The following CCSER1 variants were observed in gnomAD, a reference collection of about 807,000 sequenced individuals.
CCSER1 encodes serine-rich coiled-coil domain-containing protein 1.
A neutral mutation model predicts 82.0 loss-of-function variants in CCSER1; 41 were observed. The ratio of observed to expected loss-of-function variants is 0.50; its 90% CI spans 0.39 to 0.65. The LOEUF (loss-of-function observed/expected upper bound fraction) is 0.65, where lower values mean the gene tolerates loss of function less well. Ranked by LOEUF, CCSER1 falls within the 30% of genes least tolerant of loss-of-function variation. The pLI is 0.00. For missense variants in CCSER1, 1,119 were observed against 1,064.2 expected, an observed-to-expected ratio of 1.05 and a Z score of -0.72; for synonymous variants, 414 against 383.9, an observed-to-expected ratio of 1.08 and a Z score of -0.92.
At chr4:90,362,613 A>T (rs1039170997) in intron 3 of CCSER1, among the ~76,000 whole-genome samples, 1 of 152,172 alleles carries the variant, frequency 6.6e-6, no homozygotes, top group Non-Finnish European at 1.5e-5. Context: ...GTTAGAAAAG[A>T]GTCCTACCCA....
At chr4:91,336,987 T>C (rs1318887744) in intron 10 of CCSER1, among the ~76,000 whole-genome samples, 1 of 152,128 alleles carries the variant, frequency 6.6e-6, no homozygotes, top group East Asian at 1.9e-4. Context: ...CAAATGCATA[T>C]AGAATAAACT....
chr4:91,255,286 T>A (rs1314787836), intron 10 of CCSER1, among the ~76,000 whole-genome samples: 1 of 152,150 alleles, frequency 6.6e-6, no homozygotes, highest in Non-Finnish European at 1.5e-5. Flanking sequence ...AATATATAAC[T>A]CACAGACCTC....
At chr4:90,905,149 T>C (rs1654769812) in intron 8 of CCSER1, among the ~76,000 whole-genome samples, 1 of 152,134 alleles carries the variant, frequency 6.6e-6, no homozygotes, top group African/African-American at 2.4e-5. Context: ...CTCTAGACAA[T>C]TGCATTATCC....
At chr4:91,190,376 G>C (rs908165015) in intron 10 of CCSER1, among the ~76,000 whole-genome samples, 2 of 151,960 alleles carry the variant, frequency 1.3e-5, no homozygotes, top group African/African-American at 4.8e-5. Context: ...AACCAAAGTG[G>C]CTTTTCCTCT....
chr4:91,092,543 C>T (rs181416191), intron 10 of CCSER1, among the ~76,000 whole-genome samples: 143 of 152,312 alleles, frequency 9.4e-4, no homozygotes, highest in Non-Finnish European at 1.7e-3. Flanking sequence ...TAACACATTG[C>T]TGTGCTGCTG....
chr4:90,726,847 A>G (rs574670949), intron 7 of CCSER1, among the ~76,000 whole-genome samples: 1 of 152,178 alleles, frequency 6.6e-6, no homozygotes, highest in South Asian at 2.1e-4. Flanking sequence ...CGTTGTAAGT[A>G]GAACTACTTG....
intron 10 of CCSER1, among the ~76,000 whole-genome samples, chr4:91,251,264 G>A (rs999268151): frequency 6.6e-6 from 1 of 152,126 alleles, no homozygotes; most frequent in Admixed American, 6.6e-5. Flanking sequence ...CTTGTTGATT[G>A]CCACTTTCTT....
At position 91,014,036 on chromosome 4, in the gene CCSER1, A is replaced by G. The variant is rs1739225134; in HGVS notation, c.2173-71914A>G. Among the ~76,000 whole-genome samples, 2 of 134,110 alleles carry G rather than the reference A, an allele frequency of 1.5e-5. 1 individual carries two copies. Among genetic ancestry groups the G allele is most frequent in the Non-Finnish European group, 3.5e-5 (2 of 57,812 alleles). 88.0% of individuals were successfully genotyped at this position (134,110 alleles called of 152,430 possible). A position where few individuals can be genotyped will look rare whatever the true frequency, so the allele number is the denominator to read the frequency against. On this transcript the variant is annotated intron_variant, in intron 9 of 10. Coordinates refer to ENST00000509176, the MANE Select transcript of CCSER1 (RefSeq NM_001145065.2). ...ATAAGAAGGAACCAAACACATAACA[A>G]GAGTCCTTCATGTTATATCTTTCAT...
chr4:91,069,004 T>A (rs1201453174), intron 9 of CCSER1, among the ~76,000 whole-genome samples: 2 of 151,972 alleles, frequency 1.3e-5, no homozygotes, highest in Non-Finnish European at 2.9e-5. Context: ...CAAAATCCTG[T>A]CTTTACAAAA....
chr4:90,639,090 T>A (rs1200564858), intron 6 of CCSER1, among the ~76,000 whole-genome samples: 3 of 152,006 alleles, frequency 2.0e-5, no homozygotes, highest in African/African-American at 7.2e-5. Flanking sequence ...GTGATCTTAC[T>A]TGTGTGATAA....
chr4:90,797,384 T>A (rs1056781411), intron 7 of CCSER1, among the ~76,000 whole-genome samples: 1 of 152,164 alleles, frequency 6.6e-6, no homozygotes, highest in African/African-American at 2.4e-5. Flanking sequence ...GCATGTGAGA[T>A]TAGTCTCTTG....
In CCSER1 at chr4:91,257,031, A is replaced by G. The variant is rs553766869; in HGVS notation, c.2217+171037A>G. 1.4e-4 allele frequency among the ~76,000 whole-genome samples: 22 copies of G among 152,270 alleles called. 1 individual carries two copies. The South Asian group carries it at 4.3e-3, about 30-fold the overall frequency. ...TATGAAGACTTGTCATTATTTTTTT[A>G]TACATTTTAAGAGATAAATCTTGTT... is the stretch of plus-strand genomic sequence containing the variant. On this transcript the variant is annotated intron_variant, in intron 10 of 10. Transcript: ENST00000509176.
chr4:90,604,380 A>T (rs775980667), intron 5 of CCSER1, among the ~76,000 whole-genome samples: 10 of 152,202 alleles, frequency 6.6e-5, no homozygotes, highest in Non-Finnish European at 1.2e-4. Flanking sequence ...TTTGAATTAA[A>T]GGTTGAGTCC....
chr4:90,292,091 T>C (rs1328683636), intron 1 of CCSER1, among the ~76,000 whole-genome samples: 1 of 151,910 alleles, frequency 6.6e-6, no homozygotes, highest in Admixed American at 6.6e-5. Context: ...AAGGCAAACT[T>C]GTCATCACAT....
chr4:90,762,360 C>A (rs1750538885), intron 7 of CCSER1, among the ~76,000 whole-genome samples: 1 of 152,098 alleles, frequency 6.6e-6, no homozygotes, highest in African/African-American at 2.4e-5. Flanking sequence ...AATTGTGAGT[C>A]AATTAAACCT....
chr4:91,073,551 T>C (rs1721647494), intron 9 of CCSER1, among the ~76,000 whole-genome samples: 2 of 152,018 alleles, frequency 1.3e-5, no homozygotes, highest in African/African-American at 4.8e-5. Flanking sequence ...AGTCCATATA[T>C]GCAACAAAAT....
chr4:91,292,069 G>A (rs755985043), intron 10 of CCSER1, among the ~76,000 whole-genome samples: 1 of 151,920 alleles, frequency 6.6e-6, no homozygotes, highest in African/African-American at 2.4e-5. Flanking sequence ...ACTAGCAAGC[G>A]ATGCCTGAGT....
chr4:91,160,604 G>T (rs1247568501), intron 10 of CCSER1, among the ~76,000 whole-genome samples: 1 of 152,108 alleles, frequency 6.6e-6, no homozygotes, highest in Non-Finnish European at 1.5e-5. Context: ...GGTGTGAGAT[G>T]GTATCTCATT....
chr4:90,271,860 ATATTTTTT>A lies in CCSER1; in HGVS notation c.-41-36382_-41-36375del, dbSNP rs1393280603. 3.6e-4 allele frequency among the ~76,000 whole-genome samples: 8 copies of A among 22,236 alleles called. No homozygotes were observed. The Admixed American group carries it at 3.6e-3, about 10-fold the overall frequency. The allele number at this position is 22,236 out of a possible 152,430, so 14.6% of individuals were successfully genotyped here. A position where few individuals can be genotyped will look rare whatever the true frequency, so the allele number is the denominator to read the frequency against. Reference sequence around the variant, plus strand: ...TATATATATATATATATATATATATATATTTTTTTTTTTTTTTTTTTTTTTTTTTTAAA... The same window carrying A: ...TATATATATATATATATATATATATATTTTTTTTTTTTTTTTTTTTTTAAA... On this transcript the variant is annotated intron_variant, in intron 1 of 10. Transcript: ENST00000509176.
Sources: allele counts gnomAD v4.1 joint callset (sites outside exome capture counted in the v4.1 genomes callset), GRCh38; gene constraint gnomAD v4.1.1; transcripts MANE v1.5; gene names NCBI Gene and HGNC (gene_info 2026-07-23, HGNC 2026-07-21).